Variants in GABBR2 observed in about 807,000 individuals in gnomAD.
GABBR2 encodes gamma-aminobutyric acid type B receptor subunit 2, also known as G-protein coupled receptor 51.
GABBR2 carries 23 observed loss-of-function variants against 105.6 expected under a neutral mutation model. That is an observed-to-expected ratio of 0.22 (90% CI 0.16 to 0.31). The LOEUF (loss-of-function observed/expected upper bound fraction) is 0.31, where lower values mean the gene tolerates loss of function less well. Among genes scored for constraint, GABBR2 ranks in the 10% least tolerant of loss-of-function variants. The pLI, the probability that GABBR2 is intolerant of heterozygous loss-of-function variation, is 1.00. For synonymous variants in GABBR2, 478 were observed against 499.7 expected, an observed-to-expected ratio of 0.96 and a Z score of 0.58; for missense variants, 734 against 1,245.5, an observed-to-expected ratio of 0.59 and a Z score of 6.18.
intron 3 of GABBR2, among the ~76,000 whole-genome samples, chr9:98,517,743 G>C (rs1827785793): frequency 6.6e-6 from 1 of 152,180 alleles, no homozygotes; most frequent in South Asian, 2.1e-4. Context: ...CTTTCAGATA[G>C]GGCAGCACGT....
At chr9:98,401,427 CTG>C (rs1437483627) in intron 8 of GABBR2, among the ~76,000 whole-genome samples, 2 of 152,150 alleles carry the variant, frequency 1.3e-5, no homozygotes, top group Non-Finnish European at 2.9e-5. Flanking sequence ...GTAAAATATG[CTG>C]TCTTTTGGGC....
chr9:98,680,312 A>AT (rs1367774914), intron 1 of GABBR2, among the ~76,000 whole-genome samples: 2 of 151,796 alleles, frequency 1.3e-5, no homozygotes, highest in Admixed American at 6.6e-5. Flanking sequence ...TTATTTATTT[A>AT]TTTATTTTTT....
intron 8 of GABBR2, among the ~76,000 whole-genome samples, chr9:98,399,829 T>C (rs1394789709): frequency 1.3e-5 from 2 of 152,084 alleles, no homozygotes; most frequent in African/African-American, 2.4e-5. Context: ...ATCTAGCTTA[T>C]GTAAGGAACT....
At chr9:98,395,386 T>C (rs746012047) in intron 8 of GABBR2, among the ~76,000 whole-genome samples, 2 of 152,096 alleles carry the variant, frequency 1.3e-5, no homozygotes, top group African/African-American at 4.8e-5. Flanking sequence ...AGAGATGCTC[T>C]TGAGTCTAGA....
At chr9:98,529,108 A>G (rs1421337099) in intron 3 of GABBR2, among the ~76,000 whole-genome samples, 2 of 151,860 alleles carry the variant, frequency 1.3e-5, no homozygotes, top group African/African-American at 4.8e-5. Context: ...ACACACATCT[A>G]CCTCCTGTCC....
At chr9:98,486,283 T>C (rs1011095543) in intron 4 of GABBR2, among the ~76,000 whole-genome samples, 1 of 152,172 alleles carries the variant, frequency 6.6e-6, no homozygotes, top group African/African-American at 2.4e-5. Context: ...CCCCACTGGG[T>C]CTGAGCTGCT....
intron 1 of GABBR2, among the ~76,000 whole-genome samples, chr9:98,580,421 G>A (rs1421181621): frequency 6.6e-6 from 1 of 152,176 alleles, no homozygotes; most frequent in African/African-American, 2.4e-5. Flanking sequence ...AGCCCCAGGT[G>A]GGCAAGGATT....
At chr9:98,472,495 C>T (rs1219584660) in intron 6 of GABBR2, among the ~76,000 whole-genome samples, 1 of 152,088 alleles carries the variant, frequency 6.6e-6, no homozygotes. Flanking sequence ...GTGGCTTGCA[C>T]CACCTGCCAT....
At chr9:98,472,543 G>T (rs182608774) in intron 6 of GABBR2, among the ~76,000 whole-genome samples, 26 of 152,222 alleles carry the variant, frequency 1.7e-4, no homozygotes, top group Non-Finnish European at 1.5e-5. Flanking sequence ...GGTTATCACA[G>T]ATATAGAAGC....
At position 98,402,334 on chromosome 9, in the gene GABBR2, A is replaced by AG. The variant is rs528162577; in HGVS notation, c.1297+3746dup. ...TAACATGGATACTTTTTTTCTCTTA[A>AG]GGGGAAAAAAGCCAATTCTCTAGTA... is the stretch of plus-strand genomic sequence containing the variant. On this transcript the variant is annotated intron_variant, in intron 8 of 18. Coordinates refer to ENST00000259455, the MANE Select transcript of GABBR2 (RefSeq NM_005458.8). Among the ~76,000 whole-genome samples, 100 of 152,172 alleles carry AG rather than the reference A, an allele frequency of 6.6e-4. 1 individual carries two copies. Among genetic ancestry groups the AG allele is most frequent in the African/African-American group, 2.3e-3 (94 of 41,532 alleles).
At chr9:98,349,949 T>A (rs1344772858) in intron 13 of GABBR2, among the ~76,000 whole-genome samples, 1 of 152,130 alleles carries the variant, frequency 6.6e-6, no homozygotes, top group African/African-American at 2.4e-5. Context: ...CTGTGTAGGT[T>A]TTCTATTCCT....
chr9:98,599,007 T>C (rs1374733759), intron 1 of GABBR2, among the ~76,000 whole-genome samples: 2 of 152,198 alleles, frequency 1.3e-5, no homozygotes, highest in Admixed American at 1.3e-4. Context: ...GCAAGAACCA[T>C]GCCTGTGCCA....
chr9:98,659,983 C>T (rs890539157), intron 1 of GABBR2, among the ~76,000 whole-genome samples: 2 of 152,084 alleles, frequency 1.3e-5, no homozygotes, highest in African/African-American at 4.8e-5. Context: ...TCCTTTAAGA[C>T]ATTTTATATG....
chr9:98,607,725 T>C (rs1262287535), intron 1 of GABBR2: 2 of 769,540 alleles, frequency 2.6e-6, no homozygotes, highest in Non-Finnish European at 4.8e-6. Flanking sequence ...AAGAGGTTAC[T>C]AATAATGTCC....
At chr9:98,598,727 G>A (rs926371240) in intron 1 of GABBR2, among the ~76,000 whole-genome samples, 6 of 152,208 alleles carry the variant, frequency 3.9e-5, no homozygotes, top group South Asian at 2.1e-4. Flanking sequence ...TCTGGAACGG[G>A]CTTCCACATG....
At chr9:98,503,208 G>A (rs1827440074) in intron 3 of GABBR2, among the ~76,000 whole-genome samples, 1 of 152,184 alleles carries the variant, frequency 6.6e-6, no homozygotes, top group Non-Finnish European at 1.5e-5. Flanking sequence ...AGCAGCATGT[G>A]TACTTCCTGT....
chr9:98,638,856 A>G (rs1427194516), intron 1 of GABBR2, among the ~76,000 whole-genome samples: 1 of 152,238 alleles, frequency 6.6e-6, no homozygotes, highest in Non-Finnish European at 1.5e-5. Context: ...TTAGTTATAG[A>G]TTAAAAAGTT....
chr9:98,404,540 C>T (rs1832455670), intron 8 of GABBR2, among the ~76,000 whole-genome samples: 2 of 152,168 alleles, frequency 1.3e-5, no homozygotes, highest in South Asian at 2.1e-4. Flanking sequence ...GCAGGCACCA[C>T]TCTTGTTTCT....
At chr9:98,310,902 A>G (rs1021385248) in intron 14 of GABBR2, among the ~76,000 whole-genome samples, 193 bp downstream of exon 14, 2 of 152,146 alleles carry the variant, frequency 1.3e-5, no homozygotes, top group African/African-American at 4.8e-5. Flanking sequence ...CAGTGAAATG[A>G]GGATGTTATT....
Sources: gnomAD v4.1 joint callset for allele counts (sites outside exome capture counted in the v4.1 genomes callset) on GRCh38, gnomAD v4.1.1 for gene constraint, MANE v1.5 for transcripts, NCBI Gene and HGNC (gene_info 2026-07-23, HGNC 2026-07-21) for gene names.